Variants in TOX2 observed in about 807,000 individuals in gnomAD.
TOX2 encodes the protein granulosa cell HMG box 1.
A neutral mutation model predicts 47.4 loss-of-function variants in TOX2; 15 were observed. The observed-to-expected ratio is 0.32, with a 90% CI of 0.21 to 0.49. The LOEUF (loss-of-function observed/expected upper bound fraction) is 0.49, where lower values mean the gene tolerates loss of function less well. Among genes scored for constraint, TOX2 ranks in the 20% least tolerant of loss-of-function variants. The probability of loss-of-function intolerance (pLI) is 0.99; values close to 1 mark genes in which losing one functional copy is unlikely to be tolerated. For missense variants in TOX2, 622 were observed against 673.1 expected (o/e 0.92, Z 0.84); for synonymous variants, 290 against 296.6 (o/e 0.98, Z 0.23).
At chr20:43,946,000 G>T in intron 1 of TOX2, 1 of 1,614,102 alleles carries the variant, frequency 6.2e-7, no homozygotes, top group Non-Finnish European at 8.5e-7. Flanking sequence ...CCTTCTACTT[G>T]CAAGACACTG....
At chr20:43,939,687 T>TA (rs1201418556) in intron 1 of TOX2, among the ~76,000 whole-genome samples, 17 of 152,310 alleles carry the variant, frequency 1.1e-4, no homozygotes, top group Admixed American at 2.0e-4. Context: ...CCCTGCAGCT[T>TA]AGAAGCTGTG....
chr20:43,951,628 AG>A (rs1306873901), intron 1 of TOX2, among the ~76,000 whole-genome samples: 1 of 150,664 alleles, frequency 6.6e-6, no homozygotes, highest in African/African-American at 2.4e-5. Flanking sequence ...GGTGATTATG[AG>A]GGTTACATGC....
At chr20:44,004,172 G>A (rs924445111) in intron 2 of TOX2, among the ~76,000 whole-genome samples, 1 of 152,204 alleles carries the variant, frequency 6.6e-6, no homozygotes, top group African/African-American at 2.4e-5. Flanking sequence ...TTGCTGAGAT[G>A]TAGAGGACAC....
At chr20:43,954,806 C>T (rs949082470) in intron 1 of TOX2, among the ~76,000 whole-genome samples, 3 of 152,188 alleles carry the variant, frequency 2.0e-5, no homozygotes, top group Non-Finnish European at 2.9e-5. Flanking sequence ...TGGGGAGAGA[C>T]GTCAGACCTG....
intron 1 of TOX2, chr20:43,945,851 G>A: frequency 2.5e-6 from 4 of 1,597,492 alleles, no homozygotes; most frequent in African/African-American, 1.3e-5. Context: ...AGGACCAAGA[G>A]TTGTCAGGAG....
At chr20:44,030,585 G>A (rs2071134260) in intron 3 of TOX2, among the ~76,000 whole-genome samples, 1 of 152,136 alleles carries the variant, frequency 6.6e-6, no homozygotes, top group Non-Finnish European at 1.5e-5. Context: ...CTGATGCCCA[G>A]TGTGCCCTTG....
intron 2 of TOX2, among the ~76,000 whole-genome samples, chr20:43,992,321 A>G (rs1276188056): frequency 6.6e-6 from 1 of 152,212 alleles, no homozygotes; most frequent in Admixed American, 6.5e-5. Flanking sequence ...GACCCAGGAC[A>G]GCATCAGGAG....
intron 1 of TOX2, among the ~76,000 whole-genome samples, chr20:43,957,226 A>T (rs973000453): frequency 1.3e-5 from 2 of 152,124 alleles, no homozygotes; most frequent in Non-Finnish European, 2.9e-5. Context: ...GAGTGCATGC[A>T]TTTTGGTTGG....
intron 1 of TOX2, among the ~76,000 whole-genome samples, chr20:43,946,519 A>T (rs1020193857): frequency 9.2e-5 from 14 of 152,206 alleles, no homozygotes; most frequent in African/African-American, 3.4e-4. Flanking sequence ...GGAATACCCG[A>T]GCTGCCTCTT....
intron 1 of TOX2, among the ~76,000 whole-genome samples, chr20:43,937,202 TC>T (rs2069337609): frequency 6.6e-6 from 1 of 151,850 alleles, no homozygotes; most frequent in Admixed American, 6.6e-5. Flanking sequence ...CGCGCGAAGG[TC>T]CTGTGGAAGG....
intron 3 of TOX2, among the ~76,000 whole-genome samples, chr20:44,032,868 G>A (rs1006379631): frequency 4.6e-5 from 7 of 152,184 alleles, no homozygotes; most frequent in African/African-American, 9.7e-5. Flanking sequence ...CTTCTCTGCC[G>A]GCGGCTTCAT....
rs1272261584 is a variant in TOX2 at position 44,065,700 on chromosome 20, G to C, written c.961-12G>C. On this transcript the variant is annotated splice_polypyrimidine_tract_variant and intron_variant, in intron 6 of 8. Coordinates refer to ENST00000341197, the MANE Select transcript of TOX2 (RefSeq NM_001098797.2). ...TTCTGTTCTCCAGTGACTGATATCT[G>C]TCTCCTTCCAGAGCTCCCCAGATCA... 6.4e-7 allele frequency: 1 copy of C among 1,564,328 alleles called. No individual in the cohort carries two copies. Among genetic ancestry groups the C allele is most frequent in the Non-Finnish European group, 8.7e-7 (1 of 1,148,262 alleles).
At chr20:43,951,714 T>TTTTTTTTTTTTTTTTTTG (rs2069575717) in intron 1 of TOX2, among the ~76,000 whole-genome samples, 1 of 122,028 alleles carries the variant, frequency 8.2e-6, no homozygotes, top group African/African-American at 3.1e-5. Flanking sequence ...TATGTTTTTT[T>TTTTTTTTTTTTTTTTTTG]TTTTTTTTTT....
chr20:44,018,441 T>C (rs2070918651), intron 3 of TOX2, among the ~76,000 whole-genome samples: 1 of 152,178 alleles, frequency 6.6e-6, no homozygotes, highest in South Asian at 2.1e-4. Context: ...AGCCTCGATA[T>C]TACTGGGTGT....
chr20:43,991,614 CATTATTATTATTATTATT>C lies in TOX2; in HGVS notation c.166-14905_166-14888del, dbSNP rs143981680. Among the ~76,000 whole-genome samples, 519 of 141,698 alleles carry C rather than the reference CATTATTATTATTATTATT, an allele frequency of 3.7e-3. 3 individuals are homozygous for C. The highest frequency in any genetic ancestry group is 0.012 in the African/African-American group (469 of 38,646). 93.0% of individuals were successfully genotyped at this position (141,698 alleles called of 152,430 possible). ...CCTAGTGAAGGGGACAGGCAATAATCATTATTATTATTATTATTATTATTATTATTATTATTATTATTA... is the reference window on the plus strand; with the variant it reads ...CCTAGTGAAGGGGACAGGCAATAATCATTATTATTATTATTATTATTATTA... On this transcript the variant is annotated intron_variant, in intron 2 of 8. Transcript: ENST00000341197.
chr20:44,035,491 G>A (rs921678557), intron 3 of TOX2, among the ~76,000 whole-genome samples: 4 of 151,920 alleles, frequency 2.6e-5, no homozygotes, highest in African/African-American at 7.3e-5. Flanking sequence ...AGGTGGGAAG[G>A]TCGCTGCACA....
chr20:44,038,930 G>A (rs746726760), intron 3 of TOX2: 32 of 1,181,434 alleles, frequency 2.7e-5, no homozygotes, highest in South Asian at 1.6e-4. Flanking sequence ...ATTCACAGCC[G>A]CCTCGTTCCT....
intron 3 of TOX2, chr20:44,007,134 A>G (rs965308247): frequency 7.1e-6 from 2 of 282,254 alleles, no homozygotes; most frequent in African/African-American, 4.4e-5. Context: ...TATATTCCAT[A>G]CAATTCACCC....
At chr20:43,962,080 C>A (rs1331457198) in intron 1 of TOX2, among the ~76,000 whole-genome samples, 1 of 152,226 alleles carries the variant, frequency 6.6e-6, no homozygotes, top group East Asian at 1.9e-4. Context: ...ATTAGATTTA[C>A]AATCGGGGAT....
Sources: gnomAD v4.1 joint callset for allele counts (sites outside exome capture counted in the v4.1 genomes callset) on GRCh38, gnomAD v4.1.1 for gene constraint, MANE v1.5 for transcripts, NCBI Gene and HGNC (gene_info 2026-07-23, HGNC 2026-07-21) for gene names.